The following RORA variants were observed in gnomAD, a reference collection of about 807,000 sequenced individuals.
RORA encodes RAR related orphan receptor A.
RORA carries 7 observed loss-of-function variants against 69.5 expected under a neutral mutation model. The observed-to-expected ratio is 0.10, with a 90% CI of 0.06 to 0.19. RORA has a LOEUF of 0.19. Ranked by LOEUF, RORA falls within the 10% of genes least tolerant of loss-of-function variation. The pLI is 1.00. For synonymous variants in RORA, 261 were observed against 240.8 expected (o/e 1.08, Z -0.78); for missense variants, 457 against 663.0 (o/e 0.69, Z 3.41).
intron 1 of RORA, among the ~76,000 whole-genome samples, chr15:61,092,034 G>A (rs2140714680): frequency 6.6e-6 from 1 of 152,286 alleles, no homozygotes; most frequent in African/African-American, 2.4e-5. Context: ...TATAAATAAA[G>A]CTAAAGTTGG....
chr15:61,167,913 G>T (rs2079551750), intron 1 of RORA, among the ~76,000 whole-genome samples: 1 of 151,816 alleles, frequency 6.6e-6, no homozygotes, highest in African/African-American at 2.4e-5. Context: ...ATGCAAAGAT[G>T]GTTCTAACAT....
chr15:60,513,858 C>A (rs1212913826), intron 4 of RORA, among the ~76,000 whole-genome samples: 1 of 152,198 alleles, frequency 6.6e-6, no homozygotes, highest in East Asian at 1.9e-4. Context: ...GAGACATTTT[C>A]CTTCAAAGGG....
At chr15:60,665,722 C>T (rs1029088456) in intron 2 of RORA, among the ~76,000 whole-genome samples, 2 of 152,044 alleles carry the variant, frequency 1.3e-5, no homozygotes, top group Admixed American at 6.6e-5. Flanking sequence ...GACTGAGTCT[C>T]GCTGTGCAGT....
At chr15:60,708,506 G>T (rs1426647719) in intron 1 of RORA, among the ~76,000 whole-genome samples, 1 of 151,890 alleles carries the variant, frequency 6.6e-6, no homozygotes, top group Non-Finnish European at 1.5e-5. Context: ...TGAGTTCTTT[G>T]TCATTTTATG....
chr15:61,004,395 T>A (rs1894846693), intron 1 of RORA, among the ~76,000 whole-genome samples: 1 of 149,984 alleles, frequency 6.7e-6, no homozygotes, highest in South Asian at 2.1e-4. Context: ...TTTTTTTTCA[T>A]CTAAAAATAA....
At chr15:61,103,291 C>A (rs1158063657) in intron 1 of RORA, among the ~76,000 whole-genome samples, 1 of 152,156 alleles carries the variant, frequency 6.6e-6, no homozygotes, top group East Asian at 1.9e-4. Flanking sequence ...GGAGCCTTCA[C>A]CATGACTGCA....
intron 1 of RORA, among the ~76,000 whole-genome samples, chr15:60,785,024 G>T (rs1233953180): frequency 1.3e-5 from 2 of 152,188 alleles, no homozygotes; most frequent in African/African-American, 4.8e-5. Context: ...GAAGTCCAGA[G>T]GCAGCTGTCA....
At chr15:61,218,664 C>T (rs2414695) in intron 1 of RORA, among the ~76,000 whole-genome samples, 19,953 of 122,780 alleles carry the variant, frequency 0.16, 1,434 homozygotes, top group South Asian at 0.23. Flanking sequence ...AGTTAATTTA[C>T]TAATATAACT....
At chr15:61,167,428 C>T (rs1465487388) in intron 1 of RORA, among the ~76,000 whole-genome samples, 1 of 143,264 alleles carries the variant, frequency 7.0e-6, no homozygotes, top group African/African-American at 2.6e-5. Flanking sequence ...GATCCTTATC[C>T]AGATATTTAT....
chr15:60,780,117 A>G (rs2072232679), intron 1 of RORA, among the ~76,000 whole-genome samples: 1 of 152,178 alleles, frequency 6.6e-6, no homozygotes, highest in Admixed American at 6.5e-5. Flanking sequence ...AATGAATATG[A>G]GAAATTAAAG....
At chr15:61,045,613 A>G (rs1218105085) in intron 1 of RORA, among the ~76,000 whole-genome samples, 1 of 152,114 alleles carries the variant, frequency 6.6e-6, no homozygotes, top group Non-Finnish European at 1.5e-5. Context: ...CAAGGGGTGT[A>G]CCAGGTATAG....
chr15:60,694,562 C>T (rs2070875207), intron 1 of RORA, among the ~76,000 whole-genome samples: 1 of 152,214 alleles, frequency 6.6e-6, no homozygotes, highest in African/African-American at 2.4e-5. Context: ...TTCTACCCAC[C>T]TTGTATTTGT....
intron 1 of RORA, among the ~76,000 whole-genome samples, chr15:60,919,011 G>A (rs4775317): frequency 0.68 from 103,715 of 152,046 alleles, 36,106 homozygotes; most frequent in East Asian, 0.87. Flanking sequence ...AGCAGAGGAG[G>A]TGGTAGGTTC....
chr15:60,796,538 G>A (rs925679217), intron 1 of RORA, among the ~76,000 whole-genome samples: 5 of 151,662 alleles, frequency 3.3e-5, no homozygotes, highest in Admixed American at 2.0e-4. Flanking sequence ...AAAATAACAA[G>A]TGTTGGTAAG....
At chr15:61,138,963 G>T (rs1038044112) in intron 1 of RORA, among the ~76,000 whole-genome samples, 1 of 152,128 alleles carries the variant, frequency 6.6e-6, no homozygotes, top group South Asian at 2.1e-4. Context: ...GGCTAACAGG[G>T]TGAAACCCCG....
intron 1 of RORA, among the ~76,000 whole-genome samples, chr15:60,773,923 A>G (rs1296724148): frequency 4.6e-5 from 7 of 152,224 alleles, no homozygotes; most frequent in Non-Finnish European, 1.0e-4. Context: ...CATAAGAAAG[A>G]CTTGAGGATA....
intron 1 of RORA, chr15:60,841,012 AC>A (rs1273746262): frequency 1.2e-6 from 1 of 808,448 alleles, no homozygotes; most frequent in African/African-American, 1.9e-5. Context: ...CGACAACGAT[AC>A]CTTACGGAAG....
At chr15:61,196,036 C>A (rs987127791) in intron 1 of RORA, 3 of 152,186 alleles carry the variant, frequency 2.0e-5, no homozygotes, top group Non-Finnish European at 2.9e-5. Flanking sequence ...CTTAAAGAGA[C>A]AAAATGACTT....
chr15:60,899,327 G>C (rs72752721), intron 1 of RORA, among the ~76,000 whole-genome samples: 4,127 of 152,272 alleles, frequency 0.027, 55 homozygotes, highest in Middle Eastern at 0.054. Flanking sequence ...CATGCAATAA[G>C]CCAATGTTTA....
Sources: allele counts gnomAD v4.1 joint callset (sites outside exome capture counted in the v4.1 genomes callset), GRCh38; gene constraint gnomAD v4.1.1; transcripts MANE v1.5; gene names NCBI Gene and HGNC (gene_info 2026-07-23, HGNC 2026-07-21).